The following SUSD6 variants were observed in gnomAD, a reference collection of about 807,000 sequenced individuals.
SUSD6 encodes the protein sushi domain containing 6.
SUSD6 carries 16 observed loss-of-function variants against 28.4 expected under a neutral mutation model. The observed-to-expected ratio is 0.56, with a 90% CI of 0.38 to 0.86. The LOEUF (loss-of-function observed/expected upper bound fraction) is 0.86. SUSD6 is among the 40% of genes least tolerant of loss of function. The pLI, the probability that SUSD6 is intolerant of heterozygous loss-of-function variation, is 0.00. For missense variants in SUSD6, 341 were observed against 384.2 expected (o/e 0.89, Z 0.94); for synonymous variants, 147 against 159.6 (o/e 0.92, Z 0.59).
chr14:69,632,661 A>AC (rs1156545835), intron 1 of SUSD6, among the ~76,000 whole-genome samples: 2 of 151,600 alleles, frequency 1.3e-5, no homozygotes, highest in Non-Finnish European at 2.9e-5. Flanking sequence ...TTAAAAAAAA[A>AC]AAACAAAACA....
At chr14:69,689,436 G>A (rs1886122805) in intron 2 of SUSD6, among the ~76,000 whole-genome samples, 1 of 152,176 alleles carries the variant, frequency 6.6e-6, no homozygotes, top group Admixed American at 6.5e-5. Context: ...CATGGATTCT[G>A]GAAGAGAAGC....
chr14:69,640,105 T>C (rs748506680), intron 1 of SUSD6, among the ~76,000 whole-genome samples: 2 of 151,600 alleles, frequency 1.3e-5, no homozygotes, highest in Non-Finnish European at 2.9e-5. Context: ...CTATTAACTA[T>C]AGACTCCCGG....
At chr14:69,622,404 G>A (rs547775146) in intron 1 of SUSD6, among the ~76,000 whole-genome samples, 2 of 152,212 alleles carry the variant, frequency 1.3e-5, no homozygotes, top group East Asian at 3.9e-4. Flanking sequence ...CTGGACTCAA[G>A]TGATCCGCCT....
At chr14:69,658,154 G>A (rs1438503137) in intron 1 of SUSD6, among the ~76,000 whole-genome samples, 1 of 152,218 alleles carries the variant, frequency 6.6e-6, no homozygotes, top group Non-Finnish European at 1.5e-5. Context: ...CTGAGTCCAA[G>A]TGGCAAAGGC....
chr14:69,619,544 C>G (rs1885005657), intron 1 of SUSD6, among the ~76,000 whole-genome samples: 1 of 150,456 alleles, frequency 6.6e-6, no homozygotes, highest in Non-Finnish European at 1.5e-5. Flanking sequence ...GACAATTGCT[C>G]AAGACCAGTT....
intron 1 of SUSD6, among the ~76,000 whole-genome samples, chr14:69,625,596 AG>A (rs946967744): frequency 3.9e-5 from 6 of 152,172 alleles, no homozygotes; most frequent in African/African-American, 1.4e-4. Flanking sequence ...GTCTGGACAG[AG>A]GGGGTTAGCA....
Position 69,715,003 on chromosome 14 carries a change from T to A in SUSD6, c.*4024T>A, listed in dbSNP as rs1886526425. On this transcript the variant is annotated 3_prime_UTR_variant, in exon 6 of 6. Coordinates refer to ENST00000342745, the MANE Select transcript of SUSD6 (RefSeq NM_014734.4). ...TGGGTTTGCTTTATTTTATTTTATA[T>A]ATATATTTTTTGGTATCCTGTACAT... 1 of 152,226 alleles carries A rather than the reference T, an allele frequency of 6.6e-6. No individual in the cohort carries two copies. Among genetic ancestry groups the A allele is most frequent in the Non-Finnish European group, 1.5e-5 (1 of 68,042 alleles). 9.4% of individuals were successfully genotyped at this position (152,226 alleles called of 1,614,324 possible).
rs1351407531 is a variant in SUSD6, at chr14:69,693,354, G to A, written c.122-10041G>A. Among the ~76,000 whole-genome samples, 3 of 152,238 alleles carry A rather than the reference G, an allele frequency of 2.0e-5. No individual in the cohort carries two copies. In the South Asian group the frequency reaches 6.2e-4, roughly 32 times the overall value. ...TCCCTGAGCTGCAAGAACAAGAGGA[G>A]GTGAAAGGGTAACAGGCCATATGGA... On this transcript the variant is annotated intron_variant, in intron 2 of 5. Transcript: ENST00000342745.
At chr14:69,642,842 G>A (rs1459008002) in intron 1 of SUSD6, among the ~76,000 whole-genome samples, 1 of 152,206 alleles carries the variant, frequency 6.6e-6, no homozygotes, top group East Asian at 1.9e-4. Context: ...TTCCTCAGAG[G>A]CATGCACAGA....
chr14:69,689,609 A>T (rs1886125508), intron 2 of SUSD6, among the ~76,000 whole-genome samples: 1 of 152,138 alleles, frequency 6.6e-6, no homozygotes, highest in Non-Finnish European at 1.5e-5. Context: ...TTAATGAAGG[A>T]ATTTGTTAGG....
At chr14:69,668,726 G>T (rs552294340) in intron 2 of SUSD6, among the ~76,000 whole-genome samples, 1 of 152,160 alleles carries the variant, frequency 6.6e-6, no homozygotes, top group South Asian at 2.1e-4. Context: ...GTTGGGGCTT[G>T]GTGGGAGGTG....
chr14:69,664,272 G>A (rs1219667371), intron 2 of SUSD6, among the ~76,000 whole-genome samples: 1 of 152,062 alleles, frequency 6.6e-6, no homozygotes, highest in Non-Finnish European at 1.5e-5. Context: ...GAGCCACTGC[G>A]CCTGGCCCTC....
chr14:69,707,934 T>C (rs1405644097), intron 4 of SUSD6, among the ~76,000 whole-genome samples: 1 of 152,154 alleles, frequency 6.6e-6, no homozygotes, highest in Non-Finnish European at 1.5e-5. Flanking sequence ...GTGCAAAGGG[T>C]CTAGGTTCTG....
intron 1 of SUSD6, among the ~76,000 whole-genome samples, chr14:69,628,859 A>G (rs542639590): frequency 6.6e-6 from 1 of 151,136 alleles, no homozygotes; most frequent in Non-Finnish European, 1.5e-5. Flanking sequence ...GGCACATACC[A>G]CTACACCCAG....
At position 69,670,254 on chromosome 14, in the gene SUSD6, G is replaced by A. The variant is rs147860092; in HGVS notation, c.121+11541G>A. ...GTGAGAGGAGGGCAGCAGCAGCCAG[G>A]AACTGTGCTCTGCACTGGAGGAATG... On this transcript the variant is annotated intron_variant, in intron 2 of 5. Coordinates refer to ENST00000342745, the MANE Select transcript of SUSD6 (RefSeq NM_014734.4). 2.8e-4 allele frequency among the ~76,000 whole-genome samples: 43 copies of A among 152,324 alleles called. 1 individual carries two copies. In the East Asian group the frequency reaches 8.3e-3, roughly 29 times the overall value.
chr14:69,677,736 T>G (rs1885935032), intron 2 of SUSD6, among the ~76,000 whole-genome samples: 1 of 152,120 alleles, frequency 6.6e-6, no homozygotes, highest in Non-Finnish European at 1.5e-5. Context: ...AATTATTTAT[T>G]TCTATATTTT....
At chr14:69,646,700 CT>C (rs61409476) in intron 1 of SUSD6, among the ~76,000 whole-genome samples, 54 of 109,194 alleles carry the variant, frequency 4.9e-4, no homozygotes, top group Middle Eastern at 6.5e-3. Flanking sequence ...TTTTTTCCAT[CT>C]TTTTTTTTTT....
intron 2 of SUSD6, among the ~76,000 whole-genome samples, chr14:69,677,404 G>C (rs1280940382): frequency 6.6e-6 from 1 of 152,050 alleles, no homozygotes; most frequent in Non-Finnish European, 1.5e-5. Context: ...AAAATTAGCT[G>C]GGCGTGGTGG....
intron 1 of SUSD6, among the ~76,000 whole-genome samples, chr14:69,640,183 T>C (rs1306519310): frequency 6.6e-6 from 1 of 151,672 alleles, no homozygotes; most frequent in African/African-American, 2.4e-5. Flanking sequence ...AAGAATGGGG[T>C]CAAAGCCCAG....
Sources: gnomAD v4.1 joint callset for allele counts (sites outside exome capture counted in the v4.1 genomes callset) on GRCh38, gnomAD v4.1.1 for gene constraint, MANE v1.5 for transcripts, NCBI Gene and HGNC (gene_info 2026-07-23, HGNC 2026-07-21) for gene names.